The following MBTD1 variants were observed in gnomAD, a reference collection of about 807,000 sequenced individuals.
MBTD1 encodes MBT domain-containing protein 1.
In MBTD1, 24 loss-of-function variants were observed where a neutral mutation model predicts 87.8. The ratio of observed to expected loss-of-function variants is 0.27; its 90% CI spans 0.20 to 0.38. The LOEUF is 0.38. Among genes scored for constraint, MBTD1 ranks in the 10% least tolerant of loss-of-function variants. The pLI is 1.00. For synonymous variants in MBTD1, 237 were observed against 248.6 expected (o/e 0.95, Z 0.44); for missense variants, 436 against 760.2 (o/e 0.57, Z 5.02).
At chr17:51,258,601 G>T (rs1212353175) in intron 2 of MBTD1, among the ~76,000 whole-genome samples, 1 of 152,034 alleles carries the variant, frequency 6.6e-6, no homozygotes, top group Non-Finnish European at 1.5e-5. Context: ...GGTGTGGGCG[G>T]TAATCATCTA....
upstream of MBTD1, chr17:51,260,738 G>C: frequency 1.3e-6 from 2 of 1,587,884 alleles, no homozygotes; most frequent in Non-Finnish European, 1.7e-6. Flanking sequence ...GAAACCGCCG[G>C]CCCGGCCGAG....
At chr17:51,248,577 TA>T (rs1394961110) in intron 2 of MBTD1, among the ~76,000 whole-genome samples, 1 of 152,248 alleles carries the variant, frequency 6.6e-6, no homozygotes, top group South Asian at 2.1e-4. Context: ...TAGCTTTGGC[TA>T]AATTTTGTAT....
chr17:51,229,035 G>GA (rs1411734431), intron 2 of MBTD1, among the ~76,000 whole-genome samples: 1 of 149,870 alleles, frequency 6.7e-6, no homozygotes, highest in Non-Finnish European at 1.5e-5. Flanking sequence ...ACAAGAAAAA[G>GA]AAAAAACAAA....
chr17:51,229,659 ACT>A (rs1491519173), intron 2 of MBTD1, among the ~76,000 whole-genome samples: 25 of 122,294 alleles, frequency 2.0e-4, no homozygotes, highest in African/African-American at 6.0e-4. Context: ...TTTTTAGTAT[ACT>A]TTTTTTTTTT....
At chr17:51,226,970 C>T (rs916440123) in intron 2 of MBTD1, among the ~76,000 whole-genome samples, 3 of 144,796 alleles carry the variant, frequency 2.1e-5, no homozygotes, top group South Asian at 2.5e-4. Context: ...GGGCTGGGCG[C>T]GGTGACTCAC....
intron 6 of MBTD1, among the ~76,000 whole-genome samples, chr17:51,215,345 A>C (rs923475256): frequency 3.9e-5 from 6 of 152,258 alleles, no homozygotes; most frequent in African/African-American, 1.4e-4. Flanking sequence ...TTAATATAGT[A>C]TAACAATTCA....
chr17:51,217,897 A>G (rs1158658097), intron 5 of MBTD1, among the ~76,000 whole-genome samples: 1 of 152,138 alleles, frequency 6.6e-6, no homozygotes, highest in South Asian at 2.1e-4. Flanking sequence ...ACGCCTGGCC[A>G]GGAGTTTCTT....
chr17:51,212,842 C>G (rs543629489), intron 6 of MBTD1, among the ~76,000 whole-genome samples: 24 of 152,002 alleles, frequency 1.6e-4, no homozygotes, highest in Admixed American at 4.6e-4. Flanking sequence ...CTGCAACCTC[C>G]ACCTTCCGGT....
chr17:51,200,751 C>A (rs1222945303), intron 12 of MBTD1, among the ~76,000 whole-genome samples: 1 of 151,556 alleles, frequency 6.6e-6, no homozygotes, highest in African/African-American at 2.4e-5. Context: ...GTAATCCCAG[C>A]TACTCAGGGG....
intron 16 of MBTD1, 144 bp downstream of exon 16, chr17:51,192,059 T>G: frequency 3.0e-6 from 2 of 670,216 alleles, no homozygotes; most frequent in Non-Finnish European, 5.3e-6. Flanking sequence ...GGGTTTGCCT[T>G]TTATGGCATA....
At chr17:51,189,700 T>C (rs888332082) in intron 16 of MBTD1, among the ~76,000 whole-genome samples, 1 of 152,166 alleles carries the variant, frequency 6.6e-6, no homozygotes, top group Non-Finnish European at 1.5e-5. Context: ...GGAAAGAAAA[T>C]TCTGAAATTC....
At chr17:51,199,898 C>T (rs1378298878) in intron 12 of MBTD1, among the ~76,000 whole-genome samples, 2 of 151,652 alleles carry the variant, frequency 1.3e-5, no homozygotes, top group Non-Finnish European at 2.9e-5. Flanking sequence ...CATCTTGGCT[C>T]ACTGCAACCT....
intron 2 of MBTD1, among the ~76,000 whole-genome samples, chr17:51,245,831 T>A (rs968884019): frequency 6.6e-6 from 1 of 152,178 alleles, no homozygotes; most frequent in African/African-American, 2.4e-5. Flanking sequence ...CATTCTTGCA[T>A]GTTTATTTTT....
chr17:51,229,519 T>G (rs999961199), intron 2 of MBTD1, among the ~76,000 whole-genome samples: 13 of 152,146 alleles, frequency 8.5e-5, no homozygotes, highest in African/African-American at 3.1e-4. Flanking sequence ...AATTTTCAGT[T>G]GTATCAGGTG....
chr17:51,198,850 C>T (rs752204022), intron 12 of MBTD1, among the ~76,000 whole-genome samples: 9 of 151,988 alleles, frequency 5.9e-5, no homozygotes, highest in African/African-American at 1.7e-4. Context: ...ATGCCTAGGC[C>T]GAAGTGCAGT....
At chr17:51,218,780 C>G (rs371395142) in intron 5 of MBTD1, 150 bp downstream of exon 5, 6 of 567,264 alleles carry the variant, frequency 1.1e-5, no homozygotes, top group Admixed American at 8.9e-5. Context: ...TTATTGAAAT[C>G]AAAACAACTA....
At chr17:51,214,429 G>A (rs1453982535) in intron 6 of MBTD1, among the ~76,000 whole-genome samples, 2 of 152,188 alleles carry the variant, frequency 1.3e-5, no homozygotes, top group Admixed American at 6.5e-5. Flanking sequence ...TCTGTAGAAA[G>A]TTCTTTCTCA....
chr17:51,193,619 T>G, intron 13 of MBTD1, 109 bp from the exon 14 acceptor site: 1 of 682,332 alleles, frequency 1.5e-6, no homozygotes, highest in Non-Finnish European at 2.6e-6. Context: ...GGTTATATGA[T>G]CAACTTTATT....
chr17:51,240,298 T>C (rs1014213060), intron 2 of MBTD1, among the ~76,000 whole-genome samples: 3 of 152,220 alleles, frequency 2.0e-5, no homozygotes, highest in Non-Finnish European at 4.4e-5. Context: ...AACTAAAGTC[T>C]ACATTTTCAG....
Sources: allele counts gnomAD v4.1 joint callset (sites outside exome capture counted in the v4.1 genomes callset), GRCh38; gene constraint gnomAD v4.1.1; transcripts MANE v1.5; gene names NCBI Gene and HGNC (gene_info 2026-07-23, HGNC 2026-07-21).